The following TMEM109 variants were observed in gnomAD, a reference collection of about 807,000 sequenced individuals.
TMEM109 encodes the protein transmembrane protein 109.
Under a neutral mutation model 26.4 loss-of-function variants are expected in TMEM109, and 19 were observed. That is an observed-to-expected ratio of 0.72 (90% CI 0.50 to 1.06). The LOEUF is 1.06. Ranked by LOEUF, TMEM109 falls within the 50% of genes least tolerant of loss-of-function variation. The pLI is 0.00. For synonymous variants in TMEM109, 129 were observed against 142.0 expected (o/e 0.91, Z 0.65); for missense variants, 262 against 303.4 (o/e 0.86, Z 1.01).
At position 60,922,674 on chromosome 11, in the gene TMEM109, GC is replaced by G. The variant is rs1197529301; in HGVS notation, c.*512del. The G allele has an allele frequency of 1.1e-5, 3 of 269,396 alleles. No homozygotes were observed. The highest frequency in any genetic ancestry group is 2.2e-5 in the Non-Finnish European group (3 of 134,124). The allele number at this position is 269,396 out of a possible 1,614,324, so 16.7% of individuals were successfully genotyped here. On this transcript the variant is annotated 3_prime_UTR_variant, in exon 4 of 4. Transcript: ENST00000227525. ...AAGGCACGCTCCTGTCCTCCTCATT[GC>G]CCAGCAGTAGGGAGGGGCAGGGGTA...
intron 1 of TMEM109, among the ~76,000 whole-genome samples, chr11:60,917,635 T>A (rs571362286): frequency 1.3e-5 from 2 of 152,322 alleles, no homozygotes; most frequent in South Asian, 4.1e-4. Context: ...GATGCCAAGT[T>A]TATTTTAACT....
At chr11:60,917,772 C>A (rs2134878185) in intron 1 of TMEM109, among the ~76,000 whole-genome samples, 1 of 152,310 alleles carries the variant, frequency 6.6e-6, no homozygotes, top group African/African-American at 2.4e-5. Flanking sequence ...CCTCCCCCCT[C>A]AGCCTCCCAA....
At position 60,917,510 on chromosome 11, in the gene TMEM109, A is replaced by G. The variant is rs116483522; in HGVS notation, c.-8-2176A>G. Among the ~76,000 whole-genome samples, 580 of 152,358 alleles carry G rather than the reference A, an allele frequency of 3.8e-3. 7 individuals are homozygous for G. Among genetic ancestry groups the G allele is most frequent in the African/African-American group, 0.013 (551 of 41,588 alleles). On this transcript the variant is annotated intron_variant, in intron 1 of 3. Coordinates refer to ENST00000227525, the MANE Select transcript of TMEM109 (RefSeq NM_024092.3). ...TCTTGGCTGATCCTTACCTGCTTCA[A>G]TGAGTTGGCACTTGTTGGGTCTTAA...
chr11:60,921,128 G>A (rs1856232373), intron 3 of TMEM109, 140 bp downstream of exon 3: 5 of 728,722 alleles, frequency 6.9e-6, no homozygotes, highest in Non-Finnish European at 1.1e-5. Flanking sequence ...TGGCCAAAGA[G>A]CAAGCCAAGA....
intron 1 of TMEM109, among the ~76,000 whole-genome samples, chr11:60,916,766 G>A (rs1856179094): frequency 6.6e-6 from 1 of 152,220 alleles, no homozygotes; most frequent in Admixed American, 6.5e-5. Flanking sequence ...AACTGGGGCA[G>A]ACAGCCACTG....
chr11:60,914,582 C>T (rs1008556698), intron 1 of TMEM109, among the ~76,000 whole-genome samples: 2 of 152,242 alleles, frequency 1.3e-5, no homozygotes, highest in African/African-American at 4.8e-5. Context: ...CCCCGAACCC[C>T]GACCCACGGC....
chr11:60,919,568 C>A, intron 1 of TMEM109, 118 bp from the exon 2 acceptor site: 1 of 816,074 alleles, frequency 1.2e-6, no homozygotes, highest in Non-Finnish European at 2.0e-6. Flanking sequence ...ACTTTCTTTC[C>A]AGGGTTAGTT....
chr11:60,915,817 T>C (rs1449823467), intron 1 of TMEM109, among the ~76,000 whole-genome samples: 1 of 152,212 alleles, frequency 6.6e-6, no homozygotes, highest in Non-Finnish European at 1.5e-5. Flanking sequence ...CAGTGGCGCC[T>C]TCTCACTAAC....
At position 60,922,585 on chromosome 11, in the gene TMEM109, C is replaced by G. The variant is rs1416208704; in HGVS notation, c.*420C>G. ...TTCTGAAGTTGCTCCTTGGCCAAAT[C>G]TCCAGCTCCCTTCTTGTTTTCCTCA... On this transcript the variant is annotated 3_prime_UTR_variant, in exon 4 of 4. Coordinates refer to ENST00000227525, the MANE Select transcript of TMEM109 (RefSeq NM_024092.3). 1 of 371,710 alleles carries G rather than the reference C, an allele frequency of 2.7e-6. No homozygotes were observed. The allele number at this position is 371,710 out of a possible 1,614,324, so 23.0% of individuals were successfully genotyped here.
rs758015533 is a variant in TMEM109 at position 60,921,794 on chromosome 11, C to G, written c.361C>G (p.Leu121Val). 1.9e-6 allele frequency: 3 copies of G among 1,612,448 alleles called. No individual in the cohort carries two copies. In the Admixed American group the frequency reaches 5.0e-5, roughly 27 times the overall value. The change falls in exon 4 of 4, where the codon CTG becomes GTG. Residue 121 changes from leucine to valine, a missense_variant. Leu to Val is a conservative substitution (Grantham distance 32). Coordinates refer to ENST00000227525, the MANE Select transcript of TMEM109 (RefSeq NM_024092.3). ...GLAGDYLAQG[L>V]KLSPGQVQTF... Reference sequence around the variant, plus strand: ...TCCAGGTGATTACCTCGCCCAGGGCCTGAAGCTCAGCCCTGGCCAGGTCCA... The same window carrying G: ...TCCAGGTGATTACCTCGCCCAGGGCGTGAAGCTCAGCCCTGGCCAGGTCCA...
rs978835596 is a variant in TMEM109, at chr11:60,923,021, G to A, written c.*856G>A. Reference sequence around the variant, plus strand: ...GGTTTCAGAGACCCTGAAAGAGGAGGGAGGACCCGCCTCCTTGTCTGCACA... The same window carrying A: ...GGTTTCAGAGACCCTGAAAGAGGAGAGAGGACCCGCCTCCTTGTCTGCACA... On this transcript the variant is annotated 3_prime_UTR_variant, in exon 4 of 4. Transcript: ENST00000227525. 6.6e-6 allele frequency: 1 copy of A among 152,496 alleles called. No individual in the cohort carries two copies. Among genetic ancestry groups the A allele is most frequent in the Non-Finnish European group, 1.5e-5 (1 of 68,182 alleles). The allele number at this position is 152,496 out of a possible 1,614,324, so 9.4% of individuals were successfully genotyped here.
chr11:60,921,109 G>T, intron 3 of TMEM109, 121 bp downstream of exon 3: 1 of 848,966 alleles, frequency 1.2e-6, no homozygotes, highest in Non-Finnish European at 1.9e-6. Flanking sequence ...CCAGGATTCT[G>T]CAGAGACATG....
intron 1 of TMEM109, chr11:60,918,349 A>C (rs1590616258): frequency 1.3e-5 from 2 of 152,228 alleles, no homozygotes; most frequent in African/African-American, 4.8e-5. Flanking sequence ...GAGGCTGGGA[A>C]GTCTAAGGGC....
chr11:60,917,287 T>C (rs576443905), intron 1 of TMEM109, among the ~76,000 whole-genome samples: 2 of 152,326 alleles, frequency 1.3e-5, no homozygotes, highest in African/African-American at 4.8e-5. Context: ...TGAGTGCCTG[T>C]GTAACTGCAA....
At position 60,919,845 on chromosome 11, in the gene TMEM109, T is replaced by A. The variant is rs758372233; in HGVS notation, c.152T>A (p.Val51Asp). The change falls in exon 2 of 4, where the codon GTT (valine) becomes GAT (aspartate). Residue 51 changes from valine (V) to aspartate (D), a missense_variant. By Grantham distance (152) the Val-to-Asp change is radical. Transcript: ENST00000227525. ...PPGQQKREAPVDVLTQIGRSV... is the reference protein window; with the variant it reads ...PPGQQKREAPDDVLTQIGRSV... ...GGCCAACAGAAGAGAGAAGCCCCAG[T>A]TGATGTCTTGACCCAGATAGGTCGA... 5.6e-6 allele frequency: 9 copies of A among 1,614,180 alleles called. No homozygotes were observed. The Admixed American group carries it at 1.3e-4, about 24-fold the overall frequency.
At chr11:60,921,058 T>C in intron 3 of TMEM109, 70 bp downstream of exon 3, 2 of 1,357,146 alleles carry the variant, frequency 1.5e-6, no homozygotes, top group Non-Finnish European at 2.1e-6. Flanking sequence ...GAGTTCATCT[T>C]TGTCAGGGTC....
intron 2 of TMEM109, among the ~76,000 whole-genome samples, 155 bp from the exon 3 acceptor site, chr11:60,920,731 C>T (rs1286775732): frequency 3.3e-5 from 5 of 152,196 alleles, no homozygotes; most frequent in African/African-American, 1.2e-4. Flanking sequence ...TCAGCCAGGC[C>T]CAAGGCCCCT....
Position 60,922,150 on chromosome 11 carries a change from T to C in TMEM109, c.717T>C (p.Ser239=). ...GGCGAGCGGCCAAGGGGGCCCGCAG[T>C]GTGGAGGAGGAGTGAGCCGGATGCC... ...RQRRAAKGAR[S]VEEE The change falls in exon 4 of 4, where the codon AGT becomes AGC. Residue 239 remains serine, a synonymous_variant. Transcript: ENST00000227525. 5 of 1,595,156 alleles carry C rather than the reference T, an allele frequency of 3.1e-6. No individual in the cohort carries two copies. The highest frequency in any genetic ancestry group is 3.4e-6 in the Non-Finnish European group (4 of 1,171,084).
chr11:60,923,195 CCT>C lies in TMEM109; in HGVS notation c.*1034_*1035del, dbSNP rs546533756. ...AGAGCAGGGTGAGCTGCCAGCTGCCCCTCTCCACCAGGGTACCCTGTCTTGGT... is the reference window on the plus strand; with the variant it reads ...AGAGCAGGGTGAGCTGCCAGCTGCCCCTCCACCAGGGTACCCTGTCTTGGT... On this transcript the variant is annotated 3_prime_UTR_variant, in exon 4 of 4. Coordinates refer to ENST00000227525, the MANE Select transcript of TMEM109 (RefSeq NM_024092.3). 566 of 152,726 alleles carry C rather than the reference CCT, an allele frequency of 3.7e-3. 2 individuals are homozygous for C. Among genetic ancestry groups the C allele is most frequent in the Non-Finnish European group, 6.5e-3 (443 of 68,026 alleles). The allele number at this position is 152,726 out of a possible 1,614,324, so 9.5% of individuals were successfully genotyped here. A position where few individuals can be genotyped will look rare whatever the true frequency, so the allele number is the denominator to read the frequency against.
Sources: allele counts gnomAD v4.1 joint callset (sites outside exome capture counted in the v4.1 genomes callset), GRCh38; gene constraint gnomAD v4.1.1; transcripts MANE v1.5; gene names NCBI Gene and HGNC (gene_info 2026-07-23, HGNC 2026-07-21).